SPIRE2: variants seen among roughly 807,000 people sequenced by gnomAD.
SPIRE2 encodes protein spire homolog 2.
A neutral mutation model predicts 80.7 loss-of-function variants in SPIRE2; 76 were observed. The ratio of observed to expected loss-of-function variants is 0.94; its 90% CI spans 0.78 to 1.14. The LOEUF (loss-of-function observed/expected upper bound fraction) is 1.14. SPIRE2 is among the 50% of genes most tolerant of loss of function. SPIRE2 has a pLI of 0.00. For missense variants in SPIRE2, 1,196 were observed against 1,015.3 expected (o/e 1.18, Z -2.42); for synonymous variants, 535 against 432.6 (o/e 1.24, Z -2.94).
rs751419698 is a variant in SPIRE2, at chr16:89,856,161, C to T, written c.1027C>T (p.His343Tyr). The change falls in exon 7 of 15, where the codon CAT (histidine) becomes TAT (tyrosine). Residue 343 changes from histidine (H) to tyrosine (Y), a missense_variant. His to Tyr is a moderately conservative substitution (Grantham distance 83). Transcript: ENST00000378247. ...GTTGCCACCAAAGCAAAGGTCCCTGCATGAGAAGATCCTGGAGGAGATCAA... is the reference window on the plus strand; with the variant it reads ...GTTGCCACCAAAGCAAAGGTCCCTGTATGAGAAGATCCTGGAGGAGATCAA... The part of the protein sequence containing the change: ...RPLPPKQRSL[H>Y]EKILEEIKQE... 1.9e-6 allele frequency: 3 copies of T among 1,611,282 alleles called. No homozygotes were observed. The Admixed American group carries it at 5.0e-5, about 27-fold the overall frequency.
At chr16:89,843,691 GTTTTTTGTT>G (rs1375753353) in intron 1 of SPIRE2, among the ~76,000 whole-genome samples, 3 of 20,638 alleles carry the variant, frequency 1.5e-4, no homozygotes, top group Admixed American at 1.5e-3. Flanking sequence ...GTTTGTTTTT[GTTTTTTGTT>G]TTTTTTTTTT....
At chr16:89,854,211 C>T in intron 3 of SPIRE2, 75 bp from the exon 4 acceptor site, 1 of 1,390,230 alleles carries the variant, frequency 7.2e-7, no homozygotes, top group Non-Finnish European at 1.0e-6. Context: ...GTGGTCGTGT[C>T]CCTGACGGAC....
chr16:89,861,183 G>A (rs2041741465), intron 10 of SPIRE2, among the ~76,000 whole-genome samples: 1 of 152,206 alleles, frequency 6.6e-6, no homozygotes. Flanking sequence ...CAGCCCCTCT[G>A]CCCTCGGTTT....
chr16:89,859,075 G>A, intron 8 of SPIRE2, 90 bp from the exon 9 acceptor site: 1 of 1,239,136 alleles, frequency 8.1e-7, no homozygotes, highest in Non-Finnish European at 1.1e-6. Flanking sequence ...AGACCCTGCG[G>A]CACCCCTGGG....
intron 1 of SPIRE2, among the ~76,000 whole-genome samples, chr16:89,844,022 G>T (rs1888965783): frequency 6.7e-6 from 1 of 149,808 alleles, no homozygotes; most frequent in African/African-American, 2.5e-5. Flanking sequence ...TTGAGACAGG[G>T]TCTCACTCTG....
At chr16:89,836,615 C>A (rs764248118) in intron 1 of SPIRE2, among the ~76,000 whole-genome samples, 3 of 152,038 alleles carry the variant, frequency 2.0e-5, no homozygotes, top group Non-Finnish European at 2.9e-5. Context: ...ATGCAAGAAT[C>A]CGGAATGTAC....
intron 12 of SPIRE2, among the ~76,000 whole-genome samples, chr16:89,865,621 C>T (rs1367477582): frequency 6.6e-6 from 1 of 152,124 alleles, no homozygotes; most frequent in Non-Finnish European, 1.5e-5. Context: ...ATCACATTAA[C>T]TGTAAGTCAT....
rs564910912 is a variant in SPIRE2, at chr16:89,830,168, C to G, written c.244+1374C>G. On this transcript the variant is annotated intron_variant, in intron 1 of 14. Coordinates refer to ENST00000378247, the MANE Select transcript of SPIRE2 (RefSeq NM_032451.2). The stretch of plus-strand genomic sequence containing the variant: ...CCCAGCCGCCTGCTTCCTGTTGGTG[C>G]TGTGCAAGGCGTCCTCAGAGCAGTG... Among the ~76,000 whole-genome samples, 141 of 151,328 alleles carry G rather than the reference C, an allele frequency of 9.3e-4. 2 individuals are homozygous for G. Among genetic ancestry groups the G allele is most frequent in the African/African-American group, 3.3e-3 (137 of 41,452 alleles).
At chr16:89,855,143 T>C (rs1376173575) in intron 5 of SPIRE2, among the ~76,000 whole-genome samples, 1 of 152,198 alleles carries the variant, frequency 6.6e-6, no homozygotes, top group East Asian at 1.9e-4. Context: ...TTTCACTGTG[T>C]TAGCCACGAT....
At position 89,858,432 on chromosome 16, in the gene SPIRE2, C is replaced by T. The variant is rs928605682; in HGVS notation, c.1197C>T (p.Ser399=). ...INLSVTDAGG[S]AQRPRPRVLL... ...TGTCAGTCACAGATGCTGGGGGCAGCGCCCAGCGCCCGCGGCCCCGCGTGC... is the reference window on the plus strand; with the variant it reads ...TGTCAGTCACAGATGCTGGGGGCAGTGCCCAGCGCCCGCGGCCCCGCGTGC... The change falls in exon 8 of 15, where the codon AGC becomes AGT. Residue 399 remains serine (S), a synonymous_variant. Transcript: ENST00000378247. The T allele has an allele frequency of 1.5e-5, 24 of 1,611,666 alleles. No individual in the cohort carries two copies. Among genetic ancestry groups the T allele is most frequent in the Non-Finnish European group, 1.8e-5 (21 of 1,179,556 alleles).
rs944428964 is a variant in SPIRE2 at position 89,853,358 on chromosome 16, G to A, written c.646-928G>A. On this transcript the variant is annotated intron_variant, in intron 3 of 14. Coordinates refer to ENST00000378247, the MANE Select transcript of SPIRE2 (RefSeq NM_032451.2). ...CTGTATGCAGGCAGTTGACTGAGGC[G>A]AAGTTTGGGGAATTGGTAGTAGGAC... is the stretch of plus-strand genomic sequence containing the variant. 5.9e-5 allele frequency among the ~76,000 whole-genome samples: 9 copies of A among 152,294 alleles called. No homozygotes were observed. The South Asian group carries it at 8.3e-4, about 14-fold the overall frequency.
Position 89,857,342 on chromosome 16 carries a change from C to T in SPIRE2, c.1103-996C>T, listed in dbSNP as rs1351895481. Among the ~76,000 whole-genome samples the T allele has an allele frequency of 2.6e-5, 4 of 151,570 alleles. No homozygotes were observed. The East Asian group carries it at 7.9e-4, about 30-fold the overall frequency. ...GTAGAGACAGGGTCTCACTCTGTTGCCCAGGCTGGTGTTGAACTCGTGGGC... is the reference window on the plus strand; with the variant it reads ...GTAGAGACAGGGTCTCACTCTGTTGTCCAGGCTGGTGTTGAACTCGTGGGC... On this transcript the variant is annotated intron_variant, in intron 7 of 14. Transcript: ENST00000378247.
intron 12 of SPIRE2, among the ~76,000 whole-genome samples, chr16:89,864,947 A>G (rs945003726): frequency 1.3e-5 from 2 of 152,216 alleles, no homozygotes; most frequent in Non-Finnish European, 2.9e-5. Context: ...TAGTGTTGAT[A>G]ACAGCAGTTA....
intron 1 of SPIRE2, among the ~76,000 whole-genome samples, chr16:89,834,554 G>A (rs1430248553): frequency 9.3e-6 from 1 of 107,144 alleles, no homozygotes; most frequent in Admixed American, 9.5e-5. Flanking sequence ...GCCCGCATTC[G>A]CGGTTGGCCG....
At chr16:89,837,234 C>T (rs1444623594) in intron 1 of SPIRE2, among the ~76,000 whole-genome samples, 1 of 152,158 alleles carries the variant, frequency 6.6e-6, no homozygotes, top group Admixed American at 6.5e-5. Flanking sequence ...GCATCTGTAA[C>T]AAGTTCCCTG....
At chr16:89,843,234 A>C (rs897578590) in intron 1 of SPIRE2, among the ~76,000 whole-genome samples, 3 of 152,174 alleles carry the variant, frequency 2.0e-5, no homozygotes, top group African/African-American at 7.2e-5. Flanking sequence ...GGCACTTATC[A>C]GCCCTGATAC....
chr16:89,868,256 G>T, intron 13 of SPIRE2, 40 bp downstream of exon 13: 1 of 1,607,686 alleles, frequency 6.2e-7, no homozygotes, highest in Non-Finnish European at 8.5e-7. Flanking sequence ...GAGCAAGGCA[G>T]ATGAGGGGCT....
chr16:89,849,101 G>T (rs1469206012), intron 2 of SPIRE2, among the ~76,000 whole-genome samples: 2 of 152,268 alleles, frequency 1.3e-5, no homozygotes, highest in African/African-American at 2.4e-5. Flanking sequence ...TCAGGATCAG[G>T]TTTCCTGGGC....
At chr16:89,842,513 G>A (rs1036485896) in intron 1 of SPIRE2, among the ~76,000 whole-genome samples, 2 of 152,156 alleles carry the variant, frequency 1.3e-5, no homozygotes, top group Admixed American at 6.6e-5. Flanking sequence ...GTGCCCGGCC[G>A]TGAACATTTA....
Sources: allele counts gnomAD v4.1 joint callset (sites outside exome capture counted in the v4.1 genomes callset), GRCh38; gene constraint gnomAD v4.1.1; transcripts MANE v1.5; gene names NCBI Gene and HGNC (gene_info 2026-07-23, HGNC 2026-07-21).